The following ANXA11 variants were observed in gnomAD, a reference collection of about 807,000 sequenced individuals.
ANXA11 encodes the protein 56 kDa autoantigen.
In ANXA11, 57 loss-of-function variants were observed where a neutral mutation model predicts 64.7. The ratio of observed to expected loss-of-function variants is 0.88; its 90% CI spans 0.71 to 1.10. The LOEUF (loss-of-function observed/expected upper bound fraction) is 1.10. ANXA11 is among the 50% of genes least tolerant of loss of function. The pLI is 0.00. For missense variants in ANXA11, 675 were observed against 670.7 expected (o/e 1.01, Z -0.07); for synonymous variants, 260 against 265.2 (o/e 0.98, Z 0.19).
chr10:80,166,169 A>G lies in ANXA11; in HGVS notation c.773T>C (p.Leu258Pro), dbSNP rs1328894956. 8 of 1,611,938 alleles carry G rather than the reference A, an allele frequency of 5.0e-6. No individual in the cohort carries two copies. Among genetic ancestry groups the G allele is most frequent in the Non-Finnish European group, 6.8e-6 (8 of 1,178,506 alleles). The change falls in exon 8 of 16, where the codon CTG becomes CCG. Residue 258 changes from leucine (L) to proline (P), a missense_variant. Leu to Pro is a moderately conservative substitution (Grantham distance 98, BLOSUM62 -3). Transcript: ENST00000422982. ...KDLIKDLKSE[L>P]SGNFEKTILA... ...GATTGTCTTCTCAAAGTTTCCTGAC[A>G]GTTCAGATTTCAGATCTTTGATCAA...
intron 4 of ANXA11, 69 bp downstream of exon 4, chr10:80,170,731 A>G (rs1845935766): frequency 7.1e-6 from 9 of 1,269,822 alleles, no homozygotes. Context: ...CCCAGAGGCC[A>G]GCAGCTTTGA....
chr10:80,162,366 G>A (rs1292698960), intron 11 of ANXA11, among the ~76,000 whole-genome samples: 2 of 152,234 alleles, frequency 1.3e-5, no homozygotes, highest in African/African-American at 2.4e-5. Flanking sequence ...AGCCCCAGGC[G>A]TGTCCAGCCC....
chr10:80,158,867 A>G (rs1845390399), intron 13 of ANXA11, among the ~76,000 whole-genome samples: 1 of 152,188 alleles, frequency 6.6e-6, no homozygotes, highest in African/African-American at 2.4e-5. Flanking sequence ...TCCCTACTCC[A>G]GAGCTGCACC....
At chr10:80,177,538 G>C (rs190707075) in intron 1 of ANXA11, among the ~76,000 whole-genome samples, 177 of 152,188 alleles carry the variant, frequency 1.2e-3, no homozygotes, top group African/African-American at 4.0e-3. Flanking sequence ...TCTCAGCTTT[G>C]TTTTACATCC....
At chr10:80,167,026 G>T in intron 6 of ANXA11, 42 bp from the exon 7 acceptor site, 1 of 1,469,510 alleles carries the variant, frequency 6.8e-7, no homozygotes, top group Non-Finnish European at 9.3e-7. Context: ...TAGGGGTCAT[G>T]AGATGCTCTG....
intron 1 of ANXA11, chr10:80,204,759 G>C (rs1313196758): frequency 6.5e-6 from 1 of 152,864 alleles, no homozygotes; most frequent in African/African-American, 2.4e-5. Context: ...TTGGGGAAGG[G>C]GCGAAGGCAC....
chr10:80,190,362 G>T (rs72809517), intron 1 of ANXA11, among the ~76,000 whole-genome samples: 7,907 of 152,064 alleles, frequency 0.052, 283 homozygotes, highest in Non-Finnish European at 0.082. Context: ...ACTAATTATT[G>T]AAAACTATTT....
At chr10:80,163,942 A>G (rs1415131855) in intron 9 of ANXA11, 111 bp downstream of exon 9, 2 of 907,528 alleles carry the variant, frequency 2.2e-6, no homozygotes, top group Non-Finnish European at 3.4e-6. Context: ...AGATGGGTTG[A>G]TAAGAAGGCC....
At chr10:80,171,270 T>C (rs913951199) in intron 3 of ANXA11, 75 of 1,125,240 alleles carry the variant, frequency 6.7e-5, no homozygotes, top group Non-Finnish European at 7.8e-5. Context: ...TGGGACACCA[T>C]GCTGAGCCCA....
intron 11 of ANXA11, 40 bp downstream of exon 11, chr10:80,163,309 C>T: frequency 6.2e-7 from 1 of 1,611,228 alleles, no homozygotes; most frequent in Non-Finnish European, 8.5e-7. Context: ...GGGGTGCATC[C>T]CTGCTTTAGG....
chr10:80,177,610 G>A (rs562639820), intron 1 of ANXA11, among the ~76,000 whole-genome samples: 1 of 152,222 alleles, frequency 6.6e-6, no homozygotes, highest in South Asian at 2.1e-4. Context: ...GGGACAACGA[G>A]GGACACTACA....
intron 1 of ANXA11, among the ~76,000 whole-genome samples, chr10:80,191,803 C>T (rs1846788638): frequency 6.6e-6 from 1 of 152,214 alleles, no homozygotes; most frequent in Admixed American, 6.5e-5. Context: ...GCCATCACAC[C>T]CCATCAGCCA....
rs142775254 is a variant in ANXA11, at chr10:80,179,661, T to C, written c.-57-3506A>G. 4.0e-3 allele frequency among the ~76,000 whole-genome samples: 613 copies of C among 152,272 alleles called. 12 individuals carry two copies. In the Middle Eastern group the frequency reaches 0.048, roughly 12 times the overall value. On this transcript the variant is annotated intron_variant, in intron 1 of 15. Coordinates refer to ENST00000422982, the MANE Select transcript of ANXA11 (RefSeq NM_145868.2). ...AACCTGGAGATCCATTCCTTATCTA[T>C]AAGGAACATCAGAACCCCTAAGCCA...
chr10:80,162,495 C>A (rs373168207), intron 11 of ANXA11, among the ~76,000 whole-genome samples: 9 of 152,244 alleles, frequency 5.9e-5, no homozygotes, highest in Non-Finnish European at 1.2e-4. Flanking sequence ...CACAGAAGAC[C>A]GAGCCAGGAG....
chr10:80,170,017 C>A (rs746031163), intron 4 of ANXA11, among the ~76,000 whole-genome samples: 6 of 152,140 alleles, frequency 3.9e-5, no homozygotes, highest in Admixed American at 1.3e-4. Context: ...TCAGCCAGAC[C>A]CACCTTACTG....
At chr10:80,160,517 C>A (rs1255209943) in intron 12 of ANXA11, among the ~76,000 whole-genome samples, 1 of 152,190 alleles carries the variant, frequency 6.6e-6, no homozygotes, top group South Asian at 2.1e-4. Flanking sequence ...GCAGCCCTGG[C>A]CACAGCCCAC....
At chr10:80,160,111 T>C (rs1049490768) in intron 12 of ANXA11, among the ~76,000 whole-genome samples, 11 of 152,222 alleles carry the variant, frequency 7.2e-5, no homozygotes, top group African/African-American at 2.7e-4. Context: ...TCAGCTACCA[T>C]TTGCATTTTA....
At chr10:80,175,897 T>C (rs1846150884) in intron 2 of ANXA11, among the ~76,000 whole-genome samples, 1 of 151,946 alleles carries the variant, frequency 6.6e-6, no homozygotes, top group Admixed American at 6.6e-5. Flanking sequence ...CTACTAAAAA[T>C]ACAAAAATTA....
rs1405889830 is a variant in ANXA11, at chr10:80,151,353, A to G, written c.*4500T>C. On this transcript the variant is annotated 3_prime_UTR_variant, in exon 16 of 16. Coordinates refer to ENST00000422982, the MANE Select transcript of ANXA11 (RefSeq NM_145868.2). ...TGACTGACTCCTTTACTGACAGGGG[A>G]CCCTACATGAGTCCAGGTTGTGGAC... is the stretch of plus-strand genomic sequence containing the variant. 2.6e-5 allele frequency: 4 copies of G among 152,100 alleles called. No individual in the cohort carries two copies. The highest frequency in any genetic ancestry group is 5.9e-5 in the Non-Finnish European group (4 of 68,044). 9.4% of individuals were successfully genotyped at this position (152,100 alleles called of 1,614,324 possible). A position where few individuals can be genotyped will look rare whatever the true frequency, so the allele number is the denominator to read the frequency against.
Sources: allele counts gnomAD v4.1 joint callset (sites outside exome capture counted in the v4.1 genomes callset), GRCh38; gene constraint gnomAD v4.1.1; transcripts MANE v1.5; gene names NCBI Gene and HGNC (gene_info 2026-07-23, HGNC 2026-07-21).